AMBRA1: variants seen among roughly 807,000 people sequenced by gnomAD.
AMBRA1 encodes the protein autophagy and beclin 1 regulator 1.
In AMBRA1, 47 loss-of-function variants were observed where a neutral mutation model predicts 125.4. The ratio of observed to expected loss-of-function variants is 0.37; its 90% CI spans 0.30 to 0.48. The LOEUF is 0.48. Ranked by LOEUF, AMBRA1 falls within the 20% of genes least tolerant of loss-of-function variation. AMBRA1 has a pLI of 0.99. For synonymous variants in AMBRA1, 626 were observed against 655.5 expected, an observed-to-expected ratio of 0.95 and a Z score of 0.69; for missense variants, 1,331 against 1,693.4, an observed-to-expected ratio of 0.79 and a Z score of 3.76.
intron 1 of AMBRA1, among the ~76,000 whole-genome samples, chr11:46,574,174 T>C (rs2135286127): frequency 6.9e-6 from 1 of 145,848 alleles, no homozygotes; most frequent in East Asian, 2.0e-4. Context: ...CCTTTGGGTA[T>C]ATACCCAGTA....
Position 46,506,992 on chromosome 11 carries a change from C to T in AMBRA1, c.2339+1199G>A, listed in dbSNP as rs1451676794. ...CATCCTGGCTAACAAAGTGAAACCC[C>T]ATCTCTACTAAAAATACAAAAAAAA... On this transcript the variant is annotated intron_variant, in intron 9 of 17. Coordinates refer to ENST00000683756, the MANE Select transcript of AMBRA1 (RefSeq NM_001387011.1). Among the ~76,000 whole-genome samples, 6 of 146,908 alleles carry T rather than the reference C, an allele frequency of 4.1e-5. No individual in the cohort carries two copies. The East Asian group carries it at 1.2e-3, about 29-fold the overall frequency.
intron 11 of AMBRA1, among the ~76,000 whole-genome samples, chr11:46,477,724 C>A (rs1949877143): frequency 6.6e-6 from 1 of 151,990 alleles, no homozygotes; most frequent in Non-Finnish European, 1.5e-5. Context: ...AACAGCAGAG[C>A]CCCCAGCCCA....
chr11:46,453,780 G>A (rs1180193478), intron 11 of AMBRA1, among the ~76,000 whole-genome samples: 2 of 152,184 alleles, frequency 1.3e-5, no homozygotes, highest in Non-Finnish European at 1.5e-5. Flanking sequence ...GAAATGTTCT[G>A]AGTAAGGCAC....
intron 4 of AMBRA1, 70 bp downstream of exon 4, chr11:46,547,043 A>T: frequency 7.0e-7 from 1 of 1,435,470 alleles, no homozygotes; most frequent in Non-Finnish European, 9.5e-7. Flanking sequence ...TGGGCAACAG[A>T]GCGAGACTCC....
At chr11:46,572,012 T>C (rs891104580) in intron 1 of AMBRA1, among the ~76,000 whole-genome samples, 3 of 152,094 alleles carry the variant, frequency 2.0e-5, no homozygotes, top group Non-Finnish European at 2.9e-5. Flanking sequence ...CTTAAAAAGT[T>C]AGATTCACAG....
intron 11 of AMBRA1, among the ~76,000 whole-genome samples, chr11:46,480,054 G>C (rs1370737014): frequency 6.6e-6 from 1 of 152,188 alleles, no homozygotes; most frequent in Non-Finnish European, 1.5e-5. Context: ...GCTGCTAGCT[G>C]TTAGCAGAGG....
At chr11:46,510,922 G>C (rs1328581283) in intron 8 of AMBRA1, among the ~76,000 whole-genome samples, 3 of 152,202 alleles carry the variant, frequency 2.0e-5, no homozygotes, top group Admixed American at 6.5e-5. Flanking sequence ...AGTCTTCCAA[G>C]TGAACATTTT....
chr11:46,413,136 G>A lies in AMBRA1; in HGVS notation c.3117-2768C>T, dbSNP rs1379375869. ...CCTTCTGTCTGAGCTGGGACTGTCA[G>A]CATAATGCTGGTGGCCAAAAGGTCC... is the stretch of plus-strand genomic sequence containing the variant. On this transcript the variant is annotated intron_variant, in intron 15 of 17. Transcript: ENST00000683756. Among the ~76,000 whole-genome samples the A allele has an allele frequency of 3.9e-5, 6 of 152,332 alleles. No individual in the cohort carries two copies. The South Asian group carries it at 6.2e-4, about 16-fold the overall frequency.
intron 1 of AMBRA1, among the ~76,000 whole-genome samples, chr11:46,557,923 G>T: frequency 6.6e-6 from 1 of 152,098 alleles, no homozygotes; most frequent in East Asian, 1.9e-4. Flanking sequence ...AGTAAGCCCA[G>T]CTTGTGCCAC....
chr11:46,476,210 T>C (rs1350696146), intron 11 of AMBRA1, among the ~76,000 whole-genome samples: 1 of 152,222 alleles, frequency 6.6e-6, no homozygotes, highest in Non-Finnish European at 1.5e-5. Flanking sequence ...TTCAGCACTA[T>C]TACCTCCAAA....
chr11:46,451,113 T>A (rs1215340779), intron 11 of AMBRA1, among the ~76,000 whole-genome samples: 1 of 152,230 alleles, frequency 6.6e-6, no homozygotes, highest in Admixed American at 6.5e-5. Context: ...AGTTCATATC[T>A]ATCATATAAC....
intron 10 of AMBRA1, 109 bp downstream of exon 10, chr11:46,494,015 C>A (rs529426504): frequency 1.8e-6 from 2 of 1,103,912 alleles, no homozygotes; most frequent in East Asian, 2.6e-5. Flanking sequence ...TATGGGCCCA[C>A]TAGGAAACAA....
chr11:46,545,585 G>T lies in AMBRA1; in HGVS notation c.551+19C>A, dbSNP rs376449730. The T allele has an allele frequency of 6.2e-7, 1 of 1,611,716 alleles. No individual in the cohort carries two copies. Among genetic ancestry groups the T allele is most frequent in the Non-Finnish European group, 8.5e-7 (1 of 1,178,862 alleles). On this transcript the variant is annotated intron_variant, in intron 5 of 17. Coordinates refer to ENST00000683756, the MANE Select transcript of AMBRA1 (RefSeq NM_001387011.1). ...CGTCAGTCCTGTGCCAGACAATGCA[G>T]ATGGGGCAGCGCACTCACCGGACCC... is the stretch of plus-strand genomic sequence containing the variant.
At position 46,409,622 on chromosome 11, in the gene AMBRA1, C is replaced by T. The variant is rs117425994; in HGVS notation, c.3209+654G>A. ...GGTTCTGGCCAATGCTAGCATCCCC[C>T]TTCCTTGGGCATCTCCCAGGCACTG... On this transcript the variant is annotated intron_variant, in intron 16 of 17. Transcript: ENST00000683756. Among the ~76,000 whole-genome samples, 166 of 152,354 alleles carry T rather than the reference C, an allele frequency of 1.1e-3. No homozygotes were observed. The East Asian group carries it at 0.029, about 27-fold the overall frequency.
chr11:46,421,136 T>TAG (rs139721859), intron 14 of AMBRA1, among the ~76,000 whole-genome samples: 6,626 of 152,194 alleles, frequency 0.044, 479 homozygotes, highest in African/African-American at 0.15. Flanking sequence ...GCCAATATGA[T>TAG]AGATGAACCC....
At chr11:46,439,497 A>G (rs1947896833) in intron 12 of AMBRA1, among the ~76,000 whole-genome samples, 1 of 152,106 alleles carries the variant, frequency 6.6e-6, no homozygotes, top group South Asian at 2.1e-4. Flanking sequence ...TATGGGGGGG[A>G]AATTGGATCA....
chr11:46,581,045 C>A (rs2044151138), intron 1 of AMBRA1, among the ~76,000 whole-genome samples: 1 of 152,066 alleles, frequency 6.6e-6, no homozygotes, highest in Admixed American at 6.6e-5. Flanking sequence ...CCACCCGCCT[C>A]AGCCTCCCAA....
chr11:46,543,150 C>T lies in AMBRA1; in HGVS notation c.867G>A (p.Arg289=), dbSNP rs1189837424. The change falls in exon 7 of 18, where the codon AGG becomes AGA. Residue 289 remains arginine (R), a synonymous_variant. Coordinates refer to ENST00000683756, the MANE Select transcript of AMBRA1 (RefSeq NM_001387011.1). ...TGGGGTAACTGACCCGCTGTCGGAGCCTGATGTAAGCGGAAGTCCTGGGGC... is the reference window on the plus strand; with the variant it reads ...TGGGGTAACTGACCCGCTGTCGGAGTCTGATGTAAGCGGAAGTCCTGGGGC... ...TERPRTSAYI[R]LRQRVSYPTA... The T allele has an allele frequency of 6.4e-7, 1 of 1,566,258 alleles. No individual in the cohort carries two copies. The highest frequency in any genetic ancestry group is 8.6e-7 in the Non-Finnish European group (1 of 1,159,074).
chr11:46,571,086 T>C (rs1305603818), intron 1 of AMBRA1, among the ~76,000 whole-genome samples: 1 of 152,188 alleles, frequency 6.6e-6, no homozygotes, highest in Non-Finnish European at 1.5e-5. Context: ...AAGCAACAGA[T>C]AATCTCTCAC....
Sources: gnomAD v4.1 joint callset for allele counts (sites outside exome capture counted in the v4.1 genomes callset) on GRCh38, gnomAD v4.1.1 for gene constraint, MANE v1.5 for transcripts, NCBI Gene and HGNC (gene_info 2026-07-23, HGNC 2026-07-21) for gene names.